PLXNA4: variants seen among roughly 807,000 people sequenced by gnomAD.
PLXNA4 encodes plexin-A4.
In PLXNA4, 44 loss-of-function variants were observed where a neutral mutation model predicts 191.8. The observed-to-expected ratio is 0.23, with a 90% CI of 0.18 to 0.29. The LOEUF (loss-of-function observed/expected upper bound fraction) is 0.29. PLXNA4 is among the 10% of genes least tolerant of loss of function. The pLI is 1.00. For synonymous variants in PLXNA4, 1,082 were observed against 1,009.5 expected (o/e 1.07, Z -1.36); for missense variants, 1,800 against 2,488.8 (o/e 0.72, Z 5.89).
intron 3 of PLXNA4, among the ~76,000 whole-genome samples, chr7:132,399,993 A>T (rs1793919931): frequency 6.6e-6 from 1 of 152,184 alleles, no homozygotes; most frequent in African/African-American, 2.4e-5. Flanking sequence ...AGATGGTCCC[A>T]TACCTACATC....
chr7:132,216,588 A>C (rs149337457), intron 9 of PLXNA4, among the ~76,000 whole-genome samples: 1 of 152,322 alleles, frequency 6.6e-6, no homozygotes, highest in African/African-American at 2.4e-5. Flanking sequence ...AACTTGGTAC[A>C]AGCATTCAAT....
At position 132,203,626 on chromosome 7, in the gene PLXNA4, G is replaced by A. The variant is rs1297816717; in HGVS notation, c.2299-207C>T. ...CAGGGAAGTGCATATCAGAGGGGGTGGAAGATAACACAGGGGTGGGCCAGG... is the reference window on the plus strand; with the variant it reads ...CAGGGAAGTGCATATCAGAGGGGGTAGAAGATAACACAGGGGTGGGCCAGG... On this transcript the variant is annotated intron_variant, in intron 10 of 31. Transcript: ENST00000321063. 3.9e-5 allele frequency among the ~76,000 whole-genome samples: 6 copies of A among 152,220 alleles called. No individual in the cohort carries two copies. The East Asian group carries it at 9.6e-4, about 24-fold the overall frequency.
At chr7:132,407,415 G>A (rs1243722668) in intron 3 of PLXNA4, among the ~76,000 whole-genome samples, 2 of 152,154 alleles carry the variant, frequency 1.3e-5, no homozygotes, top group Non-Finnish European at 2.9e-5. Context: ...CATTGATCCG[G>A]CACTCTGGAT....
At position 132,480,272 on chromosome 7, in the gene PLXNA4, A is replaced by G. The variant is rs1797287231; in HGVS notation, c.1371+9020T>C. Among the ~76,000 whole-genome samples the G allele has an allele frequency of 2.0e-5, 3 of 152,310 alleles. No individual in the cohort carries two copies. The South Asian group carries it at 6.2e-4, about 32-fold the overall frequency. ...GCAAAGGATTGTGAGAAGAGCCGAGAAGCTCAGGTTTGGGGGATAGACACT... is the reference window on the plus strand; with the variant it reads ...GCAAAGGATTGTGAGAAGAGCCGAGGAGCTCAGGTTTGGGGGATAGACACT... On this transcript the variant is annotated intron_variant, in intron 3 of 31. Transcript: ENST00000321063.
intron 3 of PLXNA4, among the ~76,000 whole-genome samples, chr7:132,303,943 C>T (rs549429887): frequency 3.3e-5 from 5 of 152,092 alleles, no homozygotes; most frequent in African/African-American, 1.2e-4. Flanking sequence ...CAGCTCCAGG[C>T]GAGGCTAGTG....
intron 4 of PLXNA4, among the ~76,000 whole-genome samples, chr7:132,282,287 T>C (rs1416655251): frequency 6.6e-6 from 1 of 152,086 alleles, no homozygotes. Flanking sequence ...TATCTCCCAA[T>C]ATAGGCCAGG....
At chr7:132,500,410 TCCA>T (rs1322916873) in intron 2 of PLXNA4, among the ~76,000 whole-genome samples, 1 of 150,462 alleles carries the variant, frequency 6.6e-6, no homozygotes, top group Non-Finnish European at 1.5e-5. Flanking sequence ...GCCATTGCAC[TCCA>T]CCCTGGGCAA....
intron 13 of PLXNA4, among the ~76,000 whole-genome samples, chr7:132,197,435 A>C (rs1797287715): frequency 6.6e-6 from 1 of 152,186 alleles, no homozygotes; most frequent in African/African-American, 2.4e-5. Context: ...ATGTGGCTTT[A>C]TAATAATACT....
intron 3 of PLXNA4, among the ~76,000 whole-genome samples, chr7:132,425,560 C>CCCTGCCTTACCCCAGTCAGGGGTA (rs1795010661): frequency 6.6e-6 from 1 of 152,102 alleles, no homozygotes; most frequent in Non-Finnish European, 1.5e-5. Flanking sequence ...CCACCTTGAG[C>CCCTGCCTTACCCCAGTCAGGGGTA]CCTGCCTTAC....
chr7:132,364,929 T>A (rs1804095160), intron 3 of PLXNA4, among the ~76,000 whole-genome samples: 1 of 152,216 alleles, frequency 6.6e-6, no homozygotes, highest in South Asian at 2.1e-4. Flanking sequence ...GTTAATAATA[T>A]CAGGAGCCTG....
chr7:132,457,404 C>T (rs746231326), intron 3 of PLXNA4, among the ~76,000 whole-genome samples: 9 of 152,208 alleles, frequency 5.9e-5, no homozygotes, highest in Non-Finnish European at 1.2e-4. Context: ...CACATGTCCC[C>T]CATTGCATCC....
chr7:132,488,004 G>A (rs1258407460), intron 3 of PLXNA4, among the ~76,000 whole-genome samples: 1 of 152,156 alleles, frequency 6.6e-6, no homozygotes, highest in Non-Finnish European at 1.5e-5. Flanking sequence ...CACTGAAGGC[G>A]GTCCACTCAA....
Position 132,127,937 on chromosome 7 carries a change from A to G in PLXNA4, c.*2542T>C, listed in dbSNP as rs150499994. Reference sequence around the variant, plus strand: ...AAATAAAAGCTTCAGCAGAACCGTGATAAGTCTTTTTTCTTTTTTTTTTCT... The same window carrying G: ...AAATAAAAGCTTCAGCAGAACCGTGGTAAGTCTTTTTTCTTTTTTTTTTCT... On this transcript the variant is annotated 3_prime_UTR_variant, in exon 32 of 32. Transcript: ENST00000321063. The G allele has an allele frequency of 6.7e-6, 1 of 148,562 alleles. No homozygotes were observed. Among genetic ancestry groups the G allele is most frequent in the East Asian group, 1.9e-4 (1 of 5,140 alleles). 9.2% of individuals were successfully genotyped at this position (148,562 alleles called of 1,614,324 possible).
At chr7:132,181,261 C>A in intron 18 of PLXNA4, 120 bp downstream of exon 18, 1 of 1,518,786 alleles carries the variant, frequency 6.6e-7, no homozygotes, top group African/African-American at 1.4e-5. Context: ...CTGGGCTACA[C>A]TGCAACCTCT....
chr7:132,535,346 T>C (rs997440197), intron 1 of PLXNA4, among the ~76,000 whole-genome samples: 1 of 152,210 alleles, frequency 6.6e-6, no homozygotes, highest in Non-Finnish European at 1.5e-5. Context: ...AGGGTTCTCC[T>C]GGCTTGCAGA....
intron 3 of PLXNA4, among the ~76,000 whole-genome samples, chr7:132,344,372 C>T (rs558931178): frequency 6.6e-6 from 1 of 152,146 alleles, no homozygotes; most frequent in Admixed American, 6.5e-5. Context: ...TCTTTTTTCA[C>T]AAGACAAAAA....
chr7:132,176,245 G>T (rs1796451339), intron 20 of PLXNA4, among the ~76,000 whole-genome samples: 1 of 152,200 alleles, frequency 6.6e-6, no homozygotes, highest in East Asian at 1.9e-4. Context: ...CTCTCTCCCT[G>T]CACCCCTGCA....
intron 1 of PLXNA4, among the ~76,000 whole-genome samples, chr7:132,647,646 C>A (rs1034360518): frequency 6.6e-6 from 1 of 151,816 alleles, no homozygotes; most frequent in Non-Finnish European, 1.5e-5. Flanking sequence ...CACACATACA[C>A]ACTCATACAC....
At chr7:132,161,560 C>A (rs1584779258) in intron 24 of PLXNA4, among the ~76,000 whole-genome samples, 1 of 152,280 alleles carries the variant, frequency 6.6e-6, no homozygotes, top group South Asian at 2.1e-4. Context: ...TGGGATGGGG[C>A]CTGAGATTCT....
Sources: gnomAD v4.1 joint callset for allele counts (sites outside exome capture counted in the v4.1 genomes callset) on GRCh38, gnomAD v4.1.1 for gene constraint, MANE v1.5 for transcripts, NCBI Gene and HGNC (gene_info 2026-07-23, HGNC 2026-07-21) for gene names.